The following LHX8 variants were observed in gnomAD, a reference collection of about 807,000 sequenced individuals.
The protein encoded by LHX8 is LIM/homeobox protein Lhx8.
LHX8 carries 12 observed loss-of-function variants against 40.3 expected under a neutral mutation model. The ratio of observed to expected loss-of-function variants is 0.30; its 90% CI spans 0.19 to 0.48. The LOEUF (loss-of-function observed/expected upper bound fraction) is 0.48, where lower values mean the gene tolerates loss of function less well. Ranked by LOEUF, LHX8 falls within the 20% of genes least tolerant of loss-of-function variation. LHX8 has a pLI of 0.99. For synonymous variants in LHX8, 179 were observed against 162.0 expected (o/e 1.10, Z -0.80); for missense variants, 344 against 433.7 (o/e 0.79, Z 1.84).
At chr1:75,134,021 A>G (rs1356271702), upstream of LHX8, among the ~76,000 whole-genome samples, 2 of 152,010 alleles carry the variant, frequency 1.3e-5, no homozygotes, top group Non-Finnish European at 2.9e-5. Flanking sequence ...TAAAACTTTC[A>G]AGTCACCCAG....
At chr1:75,149,131 CA>C (rs1417378920) in intron 7 of LHX8, among the ~76,000 whole-genome samples, 2 of 152,186 alleles carry the variant, frequency 1.3e-5, no homozygotes, top group Non-Finnish European at 2.9e-5. Context: ...GCTCTAAGGT[CA>C]GTGTTTTTCC....
Position 75,160,926 on chromosome 1 carries a change from A to T in LHX8, c.*31A>T. The T allele has an allele frequency of 6.8e-7, 1 of 1,479,608 alleles. No individual in the cohort carries two copies. Among genetic ancestry groups the T allele is most frequent in the African/African-American group, 1.4e-5 (1 of 72,258 alleles). The allele number at this position is 1,479,608 out of a possible 1,614,324, so 91.7% of individuals were successfully genotyped here. Reference sequence around the variant, plus strand: ...TTTTCAGGGATAGACTTGATTAAGGATATAAATTTGTCATTTATTATGTAT... The same window carrying T: ...TTTTCAGGGATAGACTTGATTAAGGTTATAAATTTGTCATTTATTATGTAT... On this transcript the variant is annotated 3_prime_UTR_variant, in exon 9 of 9. Transcript: ENST00000356261.
upstream of LHX8, chr1:75,130,432 G>A: frequency 3.6e-6 from 2 of 549,050 alleles, no homozygotes; most frequent in African/African-American, 3.8e-5. Flanking sequence ...CGGGGCGGGT[G>A]GCGAAGGCAG....
intron 7 of LHX8, among the ~76,000 whole-genome samples, chr1:75,155,455 C>T (rs377410944): frequency 9.2e-5 from 14 of 151,928 alleles, no homozygotes; most frequent in Admixed American, 3.9e-4. Context: ...AGGATGGTCT[C>T]GATCTCCTGA....
At chr1:75,144,772 TCA>T (rs1476927537) in intron 6 of LHX8, among the ~76,000 whole-genome samples, 2 of 152,120 alleles carry the variant, frequency 1.3e-5, no homozygotes, top group African/African-American at 4.8e-5. Context: ...TGAACGCCTA[TCA>T]CACTGCTGGG....
chr1:75,168,595 C>T, the LHX8 span, among the ~76,000 whole-genome samples: 35 of 152,146 alleles, frequency 2.3e-4, no homozygotes, highest in East Asian at 3.9e-3. Context: ...AGAGAGAGGA[C>T]GCACAGGAAA....
the LHX8 span, among the ~76,000 whole-genome samples, chr1:75,180,737 C>T: frequency 1.3e-5 from 2 of 152,188 alleles, no homozygotes; most frequent in Non-Finnish European, 2.9e-5. Flanking sequence ...CTCCTGCTGG[C>T]AAGGAGCTGC....
At chr1:75,166,956 T>C in the LHX8 span, among the ~76,000 whole-genome samples, 1 of 152,180 alleles carries the variant, frequency 6.6e-6, no homozygotes, top group Non-Finnish European at 1.5e-5. Flanking sequence ...GGGCAGGGGA[T>C]AAGGTGTCGA....
At chr1:75,172,793 C>G in the LHX8 span, among the ~76,000 whole-genome samples, 1 of 152,176 alleles carries the variant, frequency 6.6e-6, no homozygotes, top group African/African-American at 2.4e-5. Context: ...TCCAGCTTTT[C>G]CTTAGAAATG....
upstream of LHX8, chr1:75,132,260 GC>G (rs1158380506): frequency 6.6e-6 from 1 of 152,342 alleles, no homozygotes; most frequent in Admixed American, 6.5e-5. Context: ...AGGACGATCA[GC>G]CCTGGGATTC....
chr1:75,189,753 G>T, the LHX8 span, among the ~76,000 whole-genome samples: 1 of 152,110 alleles, frequency 6.6e-6, no homozygotes, highest in African/African-American at 2.4e-5. Context: ...TCAGGAAAAA[G>T]ACATCCTTTC....
intron 6 of LHX8, among the ~76,000 whole-genome samples, chr1:75,146,857 T>A (rs1043481889): frequency 6.6e-6 from 1 of 152,216 alleles, no homozygotes; most frequent in Non-Finnish European, 1.5e-5. Context: ...TACAATTTGA[T>A]TGCAGTTAAA....
the LHX8 span, among the ~76,000 whole-genome samples, chr1:75,177,569 T>A: frequency 5.3e-5 from 8 of 152,194 alleles, no homozygotes; most frequent in African/African-American, 1.9e-4. Context: ...TTAAGGAGAT[T>A]TTGGGCTGAG....
upstream of LHX8, chr1:75,130,407 C>T (rs1246161523): frequency 1.9e-6 from 1 of 525,628 alleles, no homozygotes; most frequent in Non-Finnish European, 3.4e-6. Context: ...CATCAGACCG[C>T]AGTGAGGAAT....
downstream of LHX8, among the ~76,000 whole-genome samples, chr1:75,165,739 C>CT (rs912016891): frequency 6.6e-6 from 1 of 152,134 alleles, no homozygotes; most frequent in African/African-American, 2.4e-5. Flanking sequence ...GAATAAGACT[C>CT]TATGTTTGAG....
At chr1:75,180,644 T>G in the LHX8 span, among the ~76,000 whole-genome samples, 2 of 152,194 alleles carry the variant, frequency 1.3e-5, no homozygotes, top group Non-Finnish European at 2.9e-5. Flanking sequence ...CATCCTTCTT[T>G]AGCTCGGAGA....
At chr1:75,140,601 A>C (rs1648284863) in intron 3 of LHX8, among the ~76,000 whole-genome samples, 1 of 152,200 alleles carries the variant, frequency 6.6e-6, no homozygotes, top group African/African-American at 2.4e-5. Flanking sequence ...ACAAGGTTTC[A>C]TGCTGGGAAG....
chr1:75,132,772 C>CACACACAT (rs1648007084), upstream of LHX8: 1 of 152,032 alleles, frequency 6.6e-6, no homozygotes, highest in African/African-American at 2.4e-5. Flanking sequence ...CACACACACA[C>CACACACAT]ACACACACAC....
the LHX8 span, among the ~76,000 whole-genome samples, chr1:75,187,535 C>T: frequency 6.6e-6 from 1 of 152,106 alleles, no homozygotes; most frequent in Non-Finnish European, 1.5e-5. Context: ...CTTTCCTTCT[C>T]ATCATCTCAA....
Sources: gnomAD v4.1 joint callset for allele counts (sites outside exome capture counted in the v4.1 genomes callset) on GRCh38, gnomAD v4.1.1 for gene constraint, MANE v1.5 for transcripts, NCBI Gene and HGNC (gene_info 2026-07-23, HGNC 2026-07-21) for gene names.